SCHIP1: variants seen among roughly 807,000 people sequenced by gnomAD.
SCHIP1 encodes schwannomin interacting protein 1.
A neutral mutation model predicts 29.7 loss-of-function variants in SCHIP1; 8 were observed. The observed-to-expected ratio is 0.27, with a 90% CI of 0.16 to 0.49. The LOEUF (loss-of-function observed/expected upper bound fraction) is 0.49, where lower values mean the gene tolerates loss of function less well. Ranked by LOEUF, SCHIP1 falls within the 20% of genes least tolerant of loss-of-function variation. SCHIP1 has a pLI of 0.99. For synonymous variants in SCHIP1, 76 were observed against 94.9 expected (o/e 0.80, Z 1.16); for missense variants, 193 against 294.6 (o/e 0.66, Z 2.52).
chr3:159,443,833 G>T, the SCHIP1 span, among the ~76,000 whole-genome samples: 1 of 152,152 alleles, frequency 6.6e-6, no homozygotes, highest in African/African-American at 2.4e-5. Context: ...TAACAACACT[G>T]ATGCCTTTTT....
At chr3:159,442,460 A>G in the SCHIP1 span, among the ~76,000 whole-genome samples, 6 of 152,210 alleles carry the variant, frequency 3.9e-5, no homozygotes, top group African/African-American at 1.4e-4. Flanking sequence ...TAGGTCCCCT[A>G]TCCTTCCAGG....
the SCHIP1 span, among the ~76,000 whole-genome samples, chr3:159,441,634 T>A: frequency 6.6e-6 from 1 of 152,030 alleles, no homozygotes; most frequent in South Asian, 2.1e-4. Flanking sequence ...TTAAGAACAC[T>A]AAGTTATAGA....
At chr3:159,306,881 A>G in the SCHIP1 span, among the ~76,000 whole-genome samples, 1,459 of 152,292 alleles carry the variant, frequency 9.6e-3, 20 homozygotes, top group African/African-American at 0.033. Context: ...AAAGTCCCCT[A>G]AAACCTCTGT....
chr3:159,614,046 A>G, the SCHIP1 span, among the ~76,000 whole-genome samples: 48 of 152,336 alleles, frequency 3.2e-4, no homozygotes, highest in African/African-American at 1.1e-3. Flanking sequence ...TGCCATTATT[A>G]TCTCCACTTT....
the SCHIP1 span, among the ~76,000 whole-genome samples, chr3:159,494,941 G>C: frequency 1.3e-5 from 2 of 152,166 alleles, no homozygotes; most frequent in African/African-American, 4.8e-5. Flanking sequence ...GGGATGCAAG[G>C]CTGGTTCAAC....
At chr3:159,680,660 A>AT in the SCHIP1 span, among the ~76,000 whole-genome samples, 5 of 33,628 alleles carry the variant, frequency 1.5e-4, no homozygotes, top group South Asian at 2.3e-3. Flanking sequence ...ATGTATATAT[A>AT]AAATATATAT....
the SCHIP1 span, among the ~76,000 whole-genome samples, chr3:159,536,280 A>G: frequency 6.6e-6 from 1 of 152,140 alleles, no homozygotes; most frequent in Non-Finnish European, 1.5e-5. Context: ...TCCGAGTTAA[A>G]TCACCTCCCA....
chr3:159,530,853 T>C, the SCHIP1 span, among the ~76,000 whole-genome samples: 1 of 152,156 alleles, frequency 6.6e-6, no homozygotes. Flanking sequence ...GCTTATAAAA[T>C]ACACATGACC....
chr3:159,839,809 G>A, upstream of SCHIP1: 1 of 1,083,118 alleles, frequency 9.2e-7, no homozygotes, highest in Non-Finnish European at 1.2e-6. Flanking sequence ...TTCCACATCA[G>A]TTAACTGCCT....
chr3:159,541,574 A>C, the SCHIP1 span, among the ~76,000 whole-genome samples: 2 of 152,036 alleles, frequency 1.3e-5, no homozygotes, highest in Non-Finnish European at 2.9e-5. Flanking sequence ...TTCCATATCA[A>C]ATCTCAGCAT....
At chr3:159,474,555 A>G in the SCHIP1 span, among the ~76,000 whole-genome samples, 1 of 152,160 alleles carries the variant, frequency 6.6e-6, no homozygotes, top group Non-Finnish European at 1.5e-5. Context: ...AACGGTATCC[A>G]GATCCATTAT....
chr3:159,441,599 T>C, the SCHIP1 span, among the ~76,000 whole-genome samples: 2 of 152,016 alleles, frequency 1.3e-5, no homozygotes, highest in African/African-American at 4.8e-5. Flanking sequence ...CTCTACCTGA[T>C]GGGATTTACA....
the SCHIP1 span, among the ~76,000 whole-genome samples, chr3:159,423,080 A>C: frequency 6.6e-6 from 1 of 152,242 alleles, no homozygotes; most frequent in African/African-American, 2.4e-5. Flanking sequence ...GGAGGAGCCA[A>C]GATGGCCGAA....
chr3:159,577,668 G>A, the SCHIP1 span, among the ~76,000 whole-genome samples: 1 of 152,146 alleles, frequency 6.6e-6, no homozygotes, highest in Non-Finnish European at 1.5e-5. Context: ...GGTCTATTCA[G>A]TGGGTGGTAG....
At chr3:159,362,322 G>A in the SCHIP1 span, among the ~76,000 whole-genome samples, 2 of 152,208 alleles carry the variant, frequency 1.3e-5, no homozygotes, top group Admixed American at 1.3e-4. Context: ...GGATGGTGCA[G>A]AATTTTGTAG....
the SCHIP1 span, among the ~76,000 whole-genome samples, chr3:159,566,327 T>A: frequency 2.0e-5 from 3 of 152,236 alleles, no homozygotes; most frequent in African/African-American, 7.2e-5. Flanking sequence ...TTTATGCACA[T>A]TTATTCATAT....
chr3:159,680,670 T>A, the SCHIP1 span, among the ~76,000 whole-genome samples: 4 of 8,186 alleles, frequency 4.9e-4, no homozygotes, highest in African/African-American at 1.2e-3. Context: ...AAAATATATA[T>A]TATATATATA....
chr3:159,835,623 T>G (rs1743585989), upstream of SCHIP1, among the ~76,000 whole-genome samples: 1 of 152,242 alleles, frequency 6.6e-6, no homozygotes. Flanking sequence ...TTCTTGTTTA[T>G]TCTTTTGGGG....
the SCHIP1 span, among the ~76,000 whole-genome samples, chr3:159,425,199 T>G: frequency 3.9e-5 from 6 of 151,950 alleles, no homozygotes; most frequent in Non-Finnish European, 8.8e-5. Flanking sequence ...CAATATTAAC[T>G]TTAAATGTAA....
Sources: allele counts gnomAD v4.1 joint callset (sites outside exome capture counted in the v4.1 genomes callset), GRCh38; gene constraint gnomAD v4.1.1; transcripts MANE v1.5; gene names NCBI Gene and HGNC (gene_info 2026-07-23, HGNC 2026-07-21).